The following IST1 variants were observed in gnomAD, a reference collection of about 807,000 sequenced individuals.
IST1 encodes the protein IST1 factor associated with ESCRT-III, also known as IST1 homolog.
Under a neutral mutation model 37.0 loss-of-function variants are expected in IST1, and 23 were observed. That is an observed-to-expected ratio of 0.62 (90% CI 0.45 to 0.88). IST1 has a LOEUF of 0.88. Among genes scored for constraint, IST1 ranks in the 40% least tolerant of loss-of-function variants. The pLI is 0.00. For missense variants in IST1, 488 were observed against 445.4 expected, an observed-to-expected ratio of 1.10 and a Z score of -0.86; for synonymous variants, 180 against 161.7, an observed-to-expected ratio of 1.11 and a Z score of -0.86.
In IST1 at chr16:71,929,399, T is replaced by A; in HGVS notation, c.*1586T>A. The A allele has an allele frequency of 2.4e-6, 2 of 836,666 alleles. No homozygotes were observed. Among genetic ancestry groups the A allele is most frequent in the Non-Finnish European group, 3.6e-6 (2 of 560,238 alleles). The allele number at this position is 836,666 out of a possible 1,614,324, so 51.8% of individuals were successfully genotyped here. A position where few individuals can be genotyped will look rare whatever the true frequency, so the allele number is the denominator to read the frequency against. ...CCTATCTTGACAGTGCCAAGATCCATAAGAACTTGGGACCAAGGGGATTTT... is the reference window on the plus strand; with the variant it reads ...CCTATCTTGACAGTGCCAAGATCCAAAAGAACTTGGGACCAAGGGGATTTT... On this transcript the variant is annotated 3_prime_UTR_variant, in exon 10 of 10. Transcript: ENST00000378799.
upstream of IST1, chr16:71,894,949 CCA>C: frequency 1.1e-6 from 1 of 890,024 alleles, no homozygotes; most frequent in South Asian, 1.4e-5. Context: ...CTGAATTATA[CCA>C]CACAGACCGG....
intron 3 of IST1, 64 bp downstream of exon 3, chr16:71,916,706 T>TC: frequency 1.5e-6 from 2 of 1,357,570 alleles, no homozygotes; most frequent in Non-Finnish European, 2.1e-6. Flanking sequence ...TAATATGATC[T>TC]CTTTCTGCAT....
chr16:71,924,910 T>G, intron 9 of IST1, 93 bp downstream of exon 9: 9 of 853,470 alleles, frequency 1.1e-5, no homozygotes, highest in Non-Finnish European at 1.6e-5. Context: ...TGTTTCCATG[T>G]CCATGGACTT....
chr16:71,908,131 A>T (rs1231583443), intron 1 of IST1, among the ~76,000 whole-genome samples: 1 of 151,288 alleles, frequency 6.6e-6, no homozygotes, highest in Non-Finnish European at 1.5e-5. Context: ...TTGAGTAGAG[A>T]TGGGGTTTCA....
intron 1 of IST1, among the ~76,000 whole-genome samples, chr16:71,898,892 G>C (rs1397610205): frequency 6.6e-6 from 1 of 151,252 alleles, no homozygotes. Flanking sequence ...TTGAACCTAG[G>C]AGGCGGAGAT....
chr16:71,908,897 A>G (rs1022080116), intron 1 of IST1, among the ~76,000 whole-genome samples: 4 of 152,038 alleles, frequency 2.6e-5, no homozygotes, highest in Admixed American at 2.6e-4. Flanking sequence ...ATTATTTTTC[A>G]TAGTTCTCAG....
intron 1 of IST1, among the ~76,000 whole-genome samples, chr16:71,911,408 C>T (rs189702301): frequency 6.4e-4 from 98 of 151,958 alleles, no homozygotes; most frequent in African/African-American, 2.3e-3. Context: ...TGGTTCACGC[C>T]TGTAATCCCA....
At position 71,930,033 on chromosome 16, in the gene IST1, T is replaced by TA; in HGVS notation, c.*2220_*2221insA. The TA allele has an allele frequency of 1.9e-6, 3 of 1,543,030 alleles. No individual in the cohort carries two copies. The East Asian group carries it at 7.3e-5, about 38-fold the overall frequency. On this transcript the variant is annotated 3_prime_UTR_variant, in exon 10 of 10. Coordinates refer to ENST00000378799, the MANE Select transcript of IST1 (RefSeq NM_001270975.2). Reference sequence around the variant, plus strand: ...CCCAGTGATATAACAGCATGCTAGTTTATCTTTTAGTTACCTACCTTAAGC... The same window carrying TA: ...CCCAGTGATATAACAGCATGCTAGTTATATCTTTTAGTTACCTACCTTAAGC...
At chr16:71,905,440 A>T (rs1219023800) in intron 1 of IST1, among the ~76,000 whole-genome samples, 1 of 149,438 alleles carries the variant, frequency 6.7e-6, no homozygotes, top group Non-Finnish European at 1.5e-5. Flanking sequence ...GTGCGATGGC[A>T]CCATGTCAGC....
At chr16:71,904,578 TA>T (rs2037179499) in intron 1 of IST1, among the ~76,000 whole-genome samples, 1 of 152,200 alleles carries the variant, frequency 6.6e-6, no homozygotes, top group Non-Finnish European at 1.5e-5. Context: ...CGTGTCCAGC[TA>T]ATTTTTATTT....
At chr16:71,901,706 CT>C (rs1323285451) in intron 1 of IST1, among the ~76,000 whole-genome samples, 1 of 152,102 alleles carries the variant, frequency 6.6e-6, no homozygotes, top group East Asian at 1.9e-4. Flanking sequence ...TAGCAAATTG[CT>C]TTTCTTTCCT....
intron 4 of IST1, among the ~76,000 whole-genome samples, chr16:71,919,943 C>T (rs972836071): frequency 2.6e-5 from 4 of 152,086 alleles, no homozygotes; most frequent in Non-Finnish European, 5.9e-5. Context: ...TTACCTTCTG[C>T]AGAAAGGGTG....
intron 5 of IST1, 84 bp from the exon 6 acceptor site, chr16:71,921,259 G>T: frequency 1.2e-6 from 1 of 804,440 alleles, no homozygotes; most frequent in South Asian, 1.4e-5. Context: ...CCTGTAAAAT[G>T]AGAGGAGCTA....
At chr16:71,921,176 G>C (rs2037571771) in intron 5 of IST1, 167 bp from the exon 6 acceptor site, 1 of 607,714 alleles carries the variant, frequency 1.6e-6, no homozygotes, top group Non-Finnish European at 2.9e-6. Flanking sequence ...GAGAGACTTG[G>C]GTCCTCTGAT....
chr16:71,920,570 G>A (rs1204811064), intron 4 of IST1, among the ~76,000 whole-genome samples, 169 bp from the exon 5 acceptor site: 1 of 152,170 alleles, frequency 6.6e-6, no homozygotes, highest in Non-Finnish European at 1.5e-5. Flanking sequence ...TTGGATGGAT[G>A]GATGGATGGA....
chr16:71,922,307 C>T (rs1011680774), intron 6 of IST1, among the ~76,000 whole-genome samples, 167 bp from the exon 7 acceptor site: 3 of 152,186 alleles, frequency 2.0e-5, no homozygotes, highest in Non-Finnish European at 4.4e-5. Flanking sequence ...TGTGTTGCAG[C>T]CCAACTTCTC....
At chr16:71,927,592 T>C in intron 9 of IST1, 22 bp from the exon 10 acceptor site, 1 of 1,561,640 alleles carries the variant, frequency 6.4e-7, no homozygotes, top group Admixed American at 1.7e-5. Flanking sequence ...ATTTGTAACG[T>C]TGTGCTCCTT....
chr16:71,921,530 T>C, intron 6 of IST1, 77 bp downstream of exon 6: 1 of 819,620 alleles, frequency 1.2e-6, no homozygotes, highest in South Asian at 1.5e-5. Flanking sequence ...AAACATTCTT[T>C]GCACTAACTT....
At chr16:71,923,475 A>G (rs1008121503) in intron 8 of IST1, 95 bp downstream of exon 8, 24 of 671,474 alleles carry the variant, frequency 3.6e-5, no homozygotes, top group Non-Finnish European at 5.9e-5. Flanking sequence ...GTTTTGATCA[A>G]CTCCTAGTAC....
Sources: gnomAD v4.1 joint callset for allele counts (sites outside exome capture counted in the v4.1 genomes callset) on GRCh38, gnomAD v4.1.1 for gene constraint, MANE v1.5 for transcripts, NCBI Gene and HGNC (gene_info 2026-07-23, HGNC 2026-07-21) for gene names.